The following KCNK2 variants were observed in gnomAD, a reference collection of about 807,000 sequenced individuals.
KCNK2 encodes potassium channel subfamily K member 2.
A neutral mutation model predicts 40.5 loss-of-function variants in KCNK2; 21 were observed. That is an observed-to-expected ratio of 0.52 (90% CI 0.37 to 0.75). The LOEUF is 0.75. Among genes scored for constraint, KCNK2 ranks in the 30% least tolerant of loss-of-function variants. The pLI is 0.00. For synonymous variants in KCNK2, 191 were observed against 202.2 expected (o/e 0.94, Z 0.47); for missense variants, 399 against 531.6 (o/e 0.75, Z 2.45).
chr1:215,137,287 C>A (rs1309082381), intron 3 of KCNK2, among the ~76,000 whole-genome samples: 2 of 152,088 alleles, frequency 1.3e-5, no homozygotes, highest in Non-Finnish European at 2.9e-5. Context: ...AGATTTAGGT[C>A]ATTTATTTCA....
At chr1:215,196,728 A>G (rs892168983) in intron 6 of KCNK2, among the ~76,000 whole-genome samples, 1 of 151,936 alleles carries the variant, frequency 6.6e-6, no homozygotes, top group Non-Finnish European at 1.5e-5. Context: ...AGAGAGAGAG[A>G]GAAGTATAAT....
intron 5 of KCNK2, 78 bp downstream of exon 5, chr1:215,172,261 AAC>A (rs1282723129): frequency 2.3e-6 from 3 of 1,313,906 alleles, no homozygotes; most frequent in African/African-American, 3.0e-5. Flanking sequence ...TTTATAACGA[AAC>A]ACAAGGGCTG....
rs1666864363 is a variant in KCNK2 at position 215,235,943 on chromosome 1, G to C, written c.*798G>C. 2.0e-5 allele frequency: 3 copies of C among 152,530 alleles called. No individual in the cohort carries two copies. The highest frequency in any genetic ancestry group is 1.5e-5 in the Non-Finnish European group (1 of 68,016). 9.4% of individuals were successfully genotyped at this position (152,530 alleles called of 1,614,324 possible). On this transcript the variant is annotated 3_prime_UTR_variant, in exon 7 of 7. Transcript: ENST00000444842. ...ATATATACAGTGTAATTATGACCAG[G>C]CTGGTAAAATTGGCTGCTCGCAAAC...
intron 1 of KCNK2, among the ~76,000 whole-genome samples, chr1:215,068,852 A>T (rs1658649852): frequency 6.6e-6 from 1 of 150,844 alleles, no homozygotes; most frequent in African/African-American, 2.4e-5. Context: ...TTTATTTGTT[A>T]TTTTCACACT....
chr1:215,204,499 A>G (rs543842619), intron 6 of KCNK2, among the ~76,000 whole-genome samples: 47 of 152,300 alleles, frequency 3.1e-4, no homozygotes, highest in East Asian at 2.9e-3. Context: ...TAGTGCATCA[A>G]GATATAATAT....
At chr1:215,058,365 G>T (rs757226895) in intron 1 of KCNK2, among the ~76,000 whole-genome samples, 1 of 152,156 alleles carries the variant, frequency 6.6e-6, no homozygotes, top group Non-Finnish European at 1.5e-5. Context: ...AGGACCATTA[G>T]TTATGCAGAT....
intron 6 of KCNK2, among the ~76,000 whole-genome samples, chr1:215,210,132 C>G (rs1358035352): frequency 8.2e-6 from 1 of 122,022 alleles, no homozygotes; most frequent in Non-Finnish European, 1.6e-5. Flanking sequence ...TAAATATACA[C>G]TATAAATATA....
intron 6 of KCNK2, among the ~76,000 whole-genome samples, chr1:215,225,164 T>C (rs926125335): frequency 2.9e-4 from 44 of 152,204 alleles, no homozygotes; most frequent in African/African-American, 1.1e-3. Context: ...TAGTTTCCAT[T>C]TTTATGTACT....
intron 2 of KCNK2, among the ~76,000 whole-genome samples, chr1:215,116,505 G>A (rs1201656564): frequency 6.6e-6 from 1 of 151,888 alleles, no homozygotes; most frequent in Non-Finnish European, 1.5e-5. Context: ...TCCCTGCTTT[G>A]GATTTTAAGC....
At chr1:215,146,195 A>T (rs1421552007) in intron 3 of KCNK2, among the ~76,000 whole-genome samples, 1 of 152,214 alleles carries the variant, frequency 6.6e-6, no homozygotes, top group Non-Finnish European at 1.5e-5. Flanking sequence ...CAGCTGGGAA[A>T]GTTTGGAAAC....
At chr1:215,177,193 T>C (rs1240702225) in intron 5 of KCNK2, among the ~76,000 whole-genome samples, 9 of 152,074 alleles carry the variant, frequency 5.9e-5, no homozygotes, top group African/African-American at 9.7e-5. Context: ...TTGCCCACTT[T>C]TTAATTGTGT....
At chr1:215,140,208 A>T (rs902931071) in intron 3 of KCNK2, among the ~76,000 whole-genome samples, 1 of 152,176 alleles carries the variant, frequency 6.6e-6, no homozygotes, top group Non-Finnish European at 1.5e-5. Flanking sequence ...GCTACTAGTT[A>T]TACTGTCTGT....
intron 6 of KCNK2, among the ~76,000 whole-genome samples, chr1:215,209,388 TA>T (rs1223426667): frequency 1.3e-5 from 1 of 75,760 alleles, no homozygotes; most frequent in African/African-American, 5.5e-5. Flanking sequence ...ATAAAATATA[TA>T]TATTATATAT....
chr1:215,137,638 A>G (rs1661989269), intron 3 of KCNK2, among the ~76,000 whole-genome samples: 1 of 152,192 alleles, frequency 6.6e-6, no homozygotes, highest in African/African-American at 2.4e-5. Flanking sequence ...AGGTCATTGA[A>G]CTTTTCCGAG....
At chr1:215,052,159 G>A (rs1232785470) in intron 1 of KCNK2, among the ~76,000 whole-genome samples, 1 of 152,104 alleles carries the variant, frequency 6.6e-6, no homozygotes, top group Non-Finnish European at 1.5e-5. Flanking sequence ...TAGAGATGAT[G>A]AATGTAAACA....
At chr1:215,181,940 G>GA (rs1380129682) in intron 5 of KCNK2, among the ~76,000 whole-genome samples, 1 of 152,214 alleles carries the variant, frequency 6.6e-6, no homozygotes, top group African/African-American at 2.4e-5. Context: ...AGCACTGAGG[G>GA]AAAATCCAGT....
chr1:215,085,471 T>C (rs528036349), intron 1 of KCNK2, among the ~76,000 whole-genome samples: 1 of 152,216 alleles, frequency 6.6e-6, no homozygotes, highest in Non-Finnish European at 1.5e-5. Context: ...TAAATGGATT[T>C]ATAGTCACCT....
chr1:215,207,203 C>T (rs1571728243), intron 6 of KCNK2, among the ~76,000 whole-genome samples: 1 of 152,264 alleles, frequency 6.6e-6, no homozygotes, highest in Non-Finnish European at 1.5e-5. Flanking sequence ...ATCCAGGCCG[C>T]ACAGCAGGAG....
intron 5 of KCNK2, among the ~76,000 whole-genome samples, chr1:215,180,730 A>G (rs1177618335): frequency 6.6e-6 from 1 of 152,102 alleles, no homozygotes; most frequent in East Asian, 1.9e-4. Context: ...GAAATCCACT[A>G]TTAGTCTGAT....
Sources: allele counts gnomAD v4.1 joint callset (sites outside exome capture counted in the v4.1 genomes callset), GRCh38; gene constraint gnomAD v4.1.1; transcripts MANE v1.5; gene names NCBI Gene and HGNC (gene_info 2026-07-23, HGNC 2026-07-21).